The following EYA1 variants were observed in gnomAD, a reference collection of about 807,000 sequenced individuals.
EYA1 encodes the protein EYA transcriptional coactivator and phosphatase 1.
EYA1 carries 16 observed loss-of-function variants against 82.0 expected under a neutral mutation model. That is an observed-to-expected ratio of 0.20 (90% confidence interval 0.13 to 0.30). The LOEUF (loss-of-function observed/expected upper bound fraction) is 0.30, where lower values mean the gene tolerates loss of function less well. Among genes scored for constraint, EYA1 ranks in the 10% least tolerant of loss-of-function variants. EYA1 has a pLI of 1.00. For missense variants in EYA1, 633 were observed against 730.7 expected, an observed-to-expected ratio of 0.87 and a Z score of 1.54; for synonymous variants, 261 against 264.4, an observed-to-expected ratio of 0.99 and a Z score of 0.12.
At chr8:71,317,173 G>C (rs144359072) in intron 7 of EYA1, among the ~76,000 whole-genome samples, 50 of 152,282 alleles carry the variant, frequency 3.3e-4, no homozygotes, top group African/African-American at 1.2e-3. Context: ...TTTTGGAAAA[G>C]TTGGATGGTA....
intron 2 of EYA1, among the ~76,000 whole-genome samples, chr8:71,429,380 T>A (rs572275094): frequency 1.2e-3 from 185 of 152,266 alleles, no homozygotes; most frequent in African/African-American, 4.0e-3. Context: ...AAAAAATATA[T>A]TTTTAAGAAT....
intron 2 of EYA1, among the ~76,000 whole-genome samples, chr8:71,373,403 G>A (rs1828191898): frequency 6.6e-6 from 1 of 152,036 alleles, no homozygotes; most frequent in African/African-American, 2.4e-5. Flanking sequence ...CAAAAAGAAT[G>A]AAATGCTTAG....
chr8:71,276,347 A>G (rs930740528), intron 9 of EYA1, among the ~76,000 whole-genome samples: 2 of 152,148 alleles, frequency 1.3e-5, no homozygotes, highest in African/African-American at 4.8e-5. Flanking sequence ...TGTAGGAGGA[A>G]TTTAATTGAT....
intron 3 of EYA1, among the ~76,000 whole-genome samples, chr8:71,350,213 C>T (rs888719471): frequency 1.3e-5 from 2 of 152,032 alleles, no homozygotes; most frequent in African/African-American, 4.8e-5. Flanking sequence ...CTATAAAATA[C>T]AGCCTCAAAC....
chr8:71,226,605 TC>T (rs1188511387), intron 12 of EYA1, among the ~76,000 whole-genome samples: 1 of 148,876 alleles, frequency 6.7e-6, no homozygotes, highest in Non-Finnish European at 1.5e-5. Flanking sequence ...TTAAAACTGT[TC>T]AACACTGAGT....
chr8:71,417,232 A>G (rs1830902018), intron 2 of EYA1, among the ~76,000 whole-genome samples: 1 of 152,174 alleles, frequency 6.6e-6, no homozygotes, highest in East Asian at 1.9e-4. Context: ...TCCCCTTTAT[A>G]TATACATCTA....
At chr8:71,422,490 T>C (rs1306211119) in intron 2 of EYA1, among the ~76,000 whole-genome samples, 1 of 152,174 alleles carries the variant, frequency 6.6e-6, no homozygotes, top group African/African-American at 2.4e-5. Flanking sequence ...ATTAGGGTAT[T>C]GTCTCTGTCT....
intron 2 of EYA1, among the ~76,000 whole-genome samples, chr8:71,418,320 G>A (rs924940289): frequency 6.6e-6 from 1 of 152,154 alleles, no homozygotes; most frequent in African/African-American, 2.4e-5. Context: ...CTTAAAAAAT[G>A]AGAAGATGTA....
At chr8:71,346,464 A>ATATATAT (rs1825755122) in intron 3 of EYA1, among the ~76,000 whole-genome samples, 4 of 144,620 alleles carry the variant, frequency 2.8e-5, no homozygotes, top group South Asian at 2.2e-4. Context: ...ATCTATATAT[A>ATATATAT]TCCTTCTCCC....
chr8:71,283,175 C>T (rs544247822), intron 9 of EYA1, among the ~76,000 whole-genome samples: 4 of 152,218 alleles, frequency 2.6e-5, no homozygotes, highest in African/African-American at 7.2e-5. Flanking sequence ...GACTTCTTTG[C>T]TCTTGCTGAA....
intron 9 of EYA1, among the ~76,000 whole-genome samples, chr8:71,282,044 C>T (rs1418842262): frequency 6.6e-6 from 1 of 152,180 alleles, no homozygotes; most frequent in Non-Finnish European, 1.5e-5. Context: ...AGGAACCTGG[C>T]TTCCCATTCA....
intron 2 of EYA1, among the ~76,000 whole-genome samples, chr8:71,441,179 T>C (rs954005988): frequency 1.3e-5 from 2 of 152,182 alleles, no homozygotes; most frequent in South Asian, 2.1e-4. Context: ...ACTGTATATA[T>C]GCAAACAGAA....
intron 12 of EYA1, among the ~76,000 whole-genome samples, chr8:71,234,507 T>C (rs62507631): frequency 3.3e-5 from 5 of 152,166 alleles, no homozygotes; most frequent in Non-Finnish European, 7.4e-5. Context: ...TCTGTCCTCA[T>C]CTTACTTGAC....
chr8:71,216,681 T>A lies in EYA1; in HGVS notation c.1360+11A>T. 1 of 1,613,732 alleles carries A rather than the reference T, an allele frequency of 6.2e-7. No homozygotes were observed. The highest frequency in any genetic ancestry group is 8.5e-7 in the Non-Finnish European group (1 of 1,179,610). ...TCTTAACTTGCTGAGGTACTGGTGG[T>A]AATCACTTGCCTCCAACATTATTTT... On this transcript the variant is annotated intron_variant, in intron 14 of 17. Coordinates refer to ENST00000340726, the MANE Select transcript of EYA1 (RefSeq NM_000503.6).
At chr8:71,355,693 C>T (rs1329637166) in intron 2 of EYA1, among the ~76,000 whole-genome samples, 6 of 152,186 alleles carry the variant, frequency 3.9e-5, no homozygotes, top group Admixed American at 3.9e-4. Context: ...AACAATTCTA[C>T]TTTAGTGCTA....
intron 2 of EYA1, among the ~76,000 whole-genome samples, chr8:71,393,768 C>T (rs577164993): frequency 6.6e-6 from 1 of 152,302 alleles, no homozygotes; most frequent in South Asian, 2.1e-4. Context: ...GTGCATGTGT[C>T]TTAATAGCAG....
chr8:71,492,465 A>ATT (rs200187985), intron 2 of EYA1, among the ~76,000 whole-genome samples: 259 of 119,626 alleles, frequency 2.2e-3, no homozygotes, highest in South Asian at 0.02. Context: ...TTTATTTATT[A>ATT]TTATTTTTTT....
intron 2 of EYA1, among the ~76,000 whole-genome samples, chr8:71,443,024 T>A (rs1382883296): frequency 2.6e-5 from 4 of 152,088 alleles, no homozygotes; most frequent in Non-Finnish European, 5.9e-5. Flanking sequence ...AAACTGGCTA[T>A]CAACAAGACT....
At chr8:71,340,949 T>C (rs1825056276) in intron 3 of EYA1, among the ~76,000 whole-genome samples, 1 of 152,230 alleles carries the variant, frequency 6.6e-6, no homozygotes, top group Non-Finnish European at 1.5e-5. Context: ...TTCAAAACAC[T>C]GTTTATGCTA....
Sources: gnomAD v4.1 joint callset for allele counts (sites outside exome capture counted in the v4.1 genomes callset) on GRCh38, gnomAD v4.1.1 for gene constraint, MANE v1.5 for transcripts, NCBI Gene and HGNC (gene_info 2026-07-23, HGNC 2026-07-21) for gene names.